Variants in MGLL observed in about 807,000 individuals in gnomAD.
MGLL encodes the protein monoglyceride lipase.
In MGLL, 7 loss-of-function variants were observed where a neutral mutation model predicts 29.1. The ratio of observed to expected loss-of-function variants is 0.24; its 90% CI spans 0.14 to 0.45. MGLL has a LOEUF of 0.45. Ranked by LOEUF, MGLL falls within the 20% of genes least tolerant of loss-of-function variation. The pLI, the probability that MGLL is intolerant of heterozygous loss-of-function variation, is 0.99. For missense variants in MGLL, 356 were observed against 413.6 expected, an observed-to-expected ratio of 0.86 and a Z score of 1.21; for synonymous variants, 148 against 168.3, an observed-to-expected ratio of 0.88 and a Z score of 0.93.
intron 5 of MGLL, among the ~76,000 whole-genome samples, chr3:127,716,134 A>T (rs2075810851): frequency 6.6e-6 from 1 of 152,242 alleles, no homozygotes; most frequent in Admixed American, 6.5e-5. Flanking sequence ...AAAACCCATG[A>T]CAAATGGCTA....
chr3:127,694,762 A>G (rs2075323285), intron 7 of MGLL, among the ~76,000 whole-genome samples: 1 of 152,156 alleles, frequency 6.6e-6, no homozygotes, highest in African/African-American at 2.4e-5. Flanking sequence ...AGGCTTATTC[A>G]TGCAAAACAA....
chr3:127,783,346 G>T (rs1456995032), intron 2 of MGLL, among the ~76,000 whole-genome samples: 1 of 152,054 alleles, frequency 6.6e-6, no homozygotes, highest in East Asian at 1.9e-4. Context: ...AACCCCTCCC[G>T]GGCCTTTCTG....
At chr3:127,694,026 C>T (rs1439329952) in intron 7 of MGLL, among the ~76,000 whole-genome samples, 1 of 152,048 alleles carries the variant, frequency 6.6e-6, no homozygotes. Flanking sequence ...AATCCCAGCA[C>T]TTTGGGAGGC....
intron 3 of MGLL, among the ~76,000 whole-genome samples, chr3:127,750,319 T>A (rs1216401631): frequency 1.3e-5 from 2 of 152,098 alleles, no homozygotes; most frequent in Non-Finnish European, 2.9e-5. Context: ...GGAACTGAGA[T>A]CCAGTTTTGC....
At chr3:127,739,959 A>C (rs999012065) in intron 3 of MGLL, among the ~76,000 whole-genome samples, 2 of 152,144 alleles carry the variant, frequency 1.3e-5, no homozygotes, top group African/African-American at 4.8e-5. Context: ...CTGGGGCCAG[A>C]CACACACACA....
intron 3 of MGLL, among the ~76,000 whole-genome samples, chr3:127,747,613 C>G (rs997714356): frequency 6.6e-6 from 1 of 152,188 alleles, no homozygotes; most frequent in Admixed American, 6.5e-5. Context: ...TAAGAGGCCA[C>G]GGAGACTTGT....
intron 2 of MGLL, among the ~76,000 whole-genome samples, chr3:127,805,266 T>G (rs1297755064): frequency 2.0e-5 from 3 of 152,244 alleles, no homozygotes; most frequent in South Asian, 4.1e-4. Flanking sequence ...CGGATGGCGA[T>G]AAATGATCAG....
intron 2 of MGLL, among the ~76,000 whole-genome samples, chr3:127,809,406 ATTTGAGCCTGGGAAT>A (rs1317114003): frequency 6.6e-6 from 1 of 152,158 alleles, no homozygotes; most frequent in African/African-American, 2.4e-5. Context: ...AGATAGGATC[ATTTGAGCCTGGGAAT>A]TTGTGACATG....
intron 3 of MGLL, among the ~76,000 whole-genome samples, chr3:127,741,206 A>G (rs2076334319): frequency 6.6e-6 from 1 of 152,246 alleles, no homozygotes; most frequent in Non-Finnish European, 1.5e-5. Context: ...ATCCAGTAGC[A>G]CCTAGGATGT....
At chr3:127,796,763 C>T (rs961235508) in intron 2 of MGLL, among the ~76,000 whole-genome samples, 10 of 152,178 alleles carry the variant, frequency 6.6e-5, no homozygotes, top group African/African-American at 2.4e-4. Flanking sequence ...TAATTAAATT[C>T]TAAAGTAGGC....
Position 127,761,806 on chromosome 3 carries a change from C to G in MGLL, c.262+19983G>C, listed in dbSNP as rs975311146. ...CTTCAGGGAGGGACTCCAGGCAGAG[C>G]TTCATTCTCAAATGCCCAGACAAGC... On this transcript the variant is annotated intron_variant, in intron 3 of 7. Coordinates refer to ENST00000265052, the MANE Select transcript of MGLL (RefSeq NM_007283.7). This position sits in a 1 kb window ranked among gnomAD's most constrained non-coding sequence, Gnocchi z 4.6. Among the ~76,000 whole-genome samples the G allele has an allele frequency of 6.6e-6, 1 of 152,336 alleles. No homozygotes were observed. The highest frequency in any genetic ancestry group is 1.9e-4 in the East Asian group (1 of 5,174).
chr3:127,721,095 C>T lies in MGLL; in HGVS notation c.468G>A (p.Ser156=), dbSNP rs762210850. Reference sequence around the variant, plus strand: ...ATTCAGGATTGGCAAGAACCAGAGGCGAAATGAGTACCATGCCGGCGAAGT... The same window carrying T: ...ATTCAGGATTGGCAAGAACCAGAGGTGAAATGAGTACCATGCCGGCGAAGT... ...PGHFAGMVLI[S]PLVLANPESA... Residue 156 remains serine, a synonymous_variant, in exon 5 of 8, where the codon TCG becomes TCA. Coordinates refer to ENST00000265052, the MANE Select transcript of MGLL (RefSeq NM_007283.7). 6.8e-6 allele frequency: 11 copies of T among 1,614,104 alleles called. No homozygotes were observed. The highest frequency in any genetic ancestry group is 1.3e-5 in the African/African-American group (1 of 74,928).
At position 127,822,291 on chromosome 3, in the gene MGLL, C is replaced by T; in HGVS notation, c.10+18G>A. ...AGATTATTCCTCCCATCTGAAATTC[C>T]AAGGATACATGACAAACCTGTTTCC... On this transcript the variant is annotated intron_variant, in intron 1 of 7. Coordinates refer to ENST00000265052, the MANE Select transcript of MGLL (RefSeq NM_007283.7). 1 of 1,610,764 alleles carries T rather than the reference C, an allele frequency of 6.2e-7. No individual in the cohort carries two copies. Among genetic ancestry groups the T allele is most frequent in the Non-Finnish European group, 8.5e-7 (1 of 1,176,948 alleles).
At chr3:127,735,968 A>G (rs2076235721) in intron 3 of MGLL, 1 of 1,441,536 alleles carries the variant, frequency 6.9e-7, no homozygotes, top group East Asian at 2.5e-5. Flanking sequence ...GCGTTAAACC[A>G]TCTTTCGGCT....
rs368837752 is a variant in MGLL at position 127,769,181 on chromosome 3, G to A, written c.262+12608C>T. ...AGCTTGGCCAACATGGTGAAACCCC[G>A]TCTTTACTAAAAATAAAAAATTAGC... On this transcript the variant is annotated intron_variant, in intron 3 of 7. Coordinates refer to ENST00000265052, the MANE Select transcript of MGLL (RefSeq NM_007283.7). 3.3e-4 allele frequency among the ~76,000 whole-genome samples: 50 copies of A among 152,138 alleles called. 2 individuals carry two copies. Among genetic ancestry groups the A allele is most frequent in the East Asian group, 5.8e-4 (3 of 5,164 alleles).
chr3:127,754,681 G>C (rs6803366), intron 3 of MGLL, among the ~76,000 whole-genome samples: 55,370 of 152,066 alleles, frequency 0.36, 11,707 homozygotes, highest in Admixed American at 0.52. Flanking sequence ...AGGCTGGGTC[G>C]GGCAGGAGGA....
chr3:127,820,629 T>C (rs2077842067), intron 2 of MGLL, among the ~76,000 whole-genome samples: 1 of 152,236 alleles, frequency 6.6e-6, no homozygotes, highest in Non-Finnish European at 1.5e-5. Context: ...AATGATTAAT[T>C]AGCATCATAA....
chr3:127,798,814 GGAGGCTGGGCT>G (rs2077428341), intron 2 of MGLL, among the ~76,000 whole-genome samples: 2 of 152,202 alleles, frequency 1.3e-5, no homozygotes, highest in Non-Finnish European at 2.9e-5. Flanking sequence ...CCTATCAGTA[GGAGGCTGGGCT>G]CCACAGCCTT....
chr3:127,709,614 G>A (rs2075670277), intron 6 of MGLL, among the ~76,000 whole-genome samples: 1 of 152,138 alleles, frequency 6.6e-6, no homozygotes, highest in Non-Finnish European at 1.5e-5. Context: ...CACTTCCCAG[G>A]GCCCTTTAGG....
Sources: allele counts gnomAD v4.1 joint callset (sites outside exome capture counted in the v4.1 genomes callset), GRCh38; gene constraint gnomAD v4.1.1; non-coding constraint Gnocchi (gnomAD v3.1); transcripts MANE v1.5; gene names NCBI Gene and HGNC (gene_info 2026-07-23, HGNC 2026-07-21).